PRKCA: variants seen among roughly 807,000 people sequenced by gnomAD.
The protein encoded by PRKCA is protein kinase C alpha.
A neutral mutation model predicts 87.0 loss-of-function variants in PRKCA; 27 were observed. The ratio of observed to expected loss-of-function variants is 0.31; its 90% CI spans 0.23 to 0.43. The LOEUF (loss-of-function observed/expected upper bound fraction) is 0.43. PRKCA is among the 20% of genes least tolerant of loss of function. The pLI is 1.00. For synonymous variants in PRKCA, 329 were observed against 311.1 expected (o/e 1.06, Z -0.61); for missense variants, 518 against 852.3 (o/e 0.61, Z 4.88).
intron 3 of PRKCA, among the ~76,000 whole-genome samples, chr17:66,569,016 A>G (rs1968983692): frequency 1.3e-5 from 2 of 152,194 alleles, no homozygotes; most frequent in South Asian, 2.1e-4. Context: ...ACCACAAGTA[A>G]CACCCTACAC....
intron 2 of PRKCA, among the ~76,000 whole-genome samples, chr17:66,363,579 G>A (rs1231330462): frequency 6.6e-6 from 1 of 152,236 alleles, no homozygotes; most frequent in African/African-American, 2.4e-5. Flanking sequence ...TTAAGAAAGA[G>A]CGCTATTCCA....
intron 2 of PRKCA, among the ~76,000 whole-genome samples, chr17:66,388,485 G>A (rs916459407): frequency 1.3e-5 from 2 of 151,988 alleles, no homozygotes; most frequent in African/African-American, 4.8e-5. Flanking sequence ...GTAGAGACGG[G>A]ATTTCACCAT....
chr17:66,641,125 T>C (rs1466730084), intron 3 of PRKCA, among the ~76,000 whole-genome samples: 1 of 145,754 alleles, frequency 6.9e-6, no homozygotes, highest in Non-Finnish European at 1.6e-5. Flanking sequence ...GCCACTGCAC[T>C]CCAGCCTGGG....
chr17:66,674,873 T>C (rs757667813), intron 5 of PRKCA, among the ~76,000 whole-genome samples: 80 of 152,218 alleles, frequency 5.3e-4, no homozygotes, highest in Non-Finnish European at 9.4e-4. Flanking sequence ...TCTTCATTGT[T>C]CATGCTTGAG....
intron 13 of PRKCA, among the ~76,000 whole-genome samples, chr17:66,771,928 T>G (rs562566776): frequency 6.6e-6 from 1 of 152,324 alleles, no homozygotes; most frequent in African/African-American, 2.4e-5. Context: ...ATTTTCTTCC[T>G]AATTGTTCTT....
intron 2 of PRKCA, among the ~76,000 whole-genome samples, chr17:66,441,550 T>C (rs903836595): frequency 1.3e-5 from 2 of 152,168 alleles, no homozygotes; most frequent in Non-Finnish European, 2.9e-5. Flanking sequence ...TTTGTACATC[T>C]TCATACGACT....
At position 66,688,447 on chromosome 17, in the gene PRKCA, CGCTT is replaced by C; in HGVS notation, c.821+12_821+15del. 1 of 1,613,788 alleles carries C rather than the reference CGCTT, an allele frequency of 6.2e-7. No individual in the cohort carries two copies. The highest frequency in any genetic ancestry group is 1.1e-5 in the South Asian group (1 of 91,036). On this transcript the variant is annotated intron_variant, in intron 7 of 16. Coordinates refer to ENST00000413366, the MANE Select transcript of PRKCA (RefSeq NM_002737.3). The stretch of plus-strand genomic sequence containing the variant: ...GCCGGCCAGTGGATGGTATGGAAGC[CGCTT>C]AGGTTGAGTATGTCTCAAAGCATCA...
At chr17:66,671,905 A>C (rs759766499) in intron 5 of PRKCA, among the ~76,000 whole-genome samples, 1 of 152,246 alleles carries the variant, frequency 6.6e-6, no homozygotes, top group Non-Finnish European at 1.5e-5. Context: ...GACCAATGGG[A>C]AAGATAGGGC....
chr17:66,559,506 A>AAT (rs1567897894), intron 3 of PRKCA, among the ~76,000 whole-genome samples: 1 of 146,398 alleles, frequency 6.8e-6, no homozygotes, highest in East Asian at 2.0e-4. Flanking sequence ...AAAAAAAAAA[A>AAT]GCTCTCCAGT....
intron 8 of PRKCA, among the ~76,000 whole-genome samples, chr17:66,723,155 C>T (rs568540737): frequency 2.4e-5 from 2 of 83,826 alleles, no homozygotes; most frequent in South Asian, 7.9e-4. Context: ...TCACACATCT[C>T]TGCAGGTCAC....
chr17:66,659,974 TG>T (rs1971847978), intron 5 of PRKCA, among the ~76,000 whole-genome samples: 1 of 152,184 alleles, frequency 6.6e-6, no homozygotes, highest in African/African-American at 2.4e-5. Flanking sequence ...ATTCAGTACC[TG>T]GGGGCCACAT....
At chr17:66,642,809 G>A (rs369330328) in intron 4 of PRKCA, among the ~76,000 whole-genome samples, 1 of 152,112 alleles carries the variant, frequency 6.6e-6, no homozygotes, top group Admixed American at 6.5e-5. Context: ...TTGGGAGGCC[G>A]AGGCGGGAGG....
chr17:66,455,057 T>C (rs945687824), intron 2 of PRKCA, among the ~76,000 whole-genome samples: 3 of 152,158 alleles, frequency 2.0e-5, no homozygotes, highest in Non-Finnish European at 4.4e-5. Flanking sequence ...TGGAGGGAAC[T>C]GTGGTCGACG....
chr17:66,417,637 G>T (rs1021807768), intron 2 of PRKCA, among the ~76,000 whole-genome samples: 1 of 152,132 alleles, frequency 6.6e-6, no homozygotes, highest in African/African-American at 2.4e-5. Context: ...GGTAAGGAGG[G>T]TCCCTCTGCC....
intron 3 of PRKCA, among the ~76,000 whole-genome samples, chr17:66,595,354 AGTACATCAGTC>A (rs1969941262): frequency 6.6e-6 from 1 of 152,002 alleles, no homozygotes; most frequent in Non-Finnish European, 1.5e-5. Context: ...TTCTTTCGCA[AGTACATCAGTC>A]GTTGAATTTA....
intron 3 of PRKCA, among the ~76,000 whole-genome samples, chr17:66,501,907 T>C (rs1234487971): frequency 6.6e-6 from 1 of 152,164 alleles, no homozygotes; most frequent in African/African-American, 2.4e-5. Context: ...TTGGCTGCCA[T>C]TGATTGCCTG....
intron 8 of PRKCA, among the ~76,000 whole-genome samples, chr17:66,707,794 C>T (rs1440276618): frequency 6.6e-6 from 1 of 152,138 alleles, no homozygotes; most frequent in South Asian, 2.1e-4. Context: ...GAAGCTTACA[C>T]CCTGTCTCCT....
intron 2 of PRKCA, among the ~76,000 whole-genome samples, chr17:66,433,772 T>C (rs536960129): frequency 6.9e-4 from 105 of 152,332 alleles, no homozygotes; most frequent in Non-Finnish European, 1.3e-3. Context: ...CTCGAACTCC[T>C]GAGCTCAAAT....
At position 66,336,608 on chromosome 17, in the gene PRKCA, GT is replaced by G. The variant is rs1159636204; in HGVS notation, c.205+30482del. 4.3e-5 allele frequency among the ~76,000 whole-genome samples: 4 copies of G among 93,166 alleles called. No individual in the cohort carries two copies. In the South Asian group the frequency reaches 1.2e-3, roughly 27 times the overall value. The allele number at this position is 93,166 out of a possible 152,430, so 61.1% of individuals were successfully genotyped here. The stretch of plus-strand genomic sequence containing the variant: ...ATTGGCTTAAGTTTTTTTGGTGGTG[GT>G]GGGGGAGTAATTTAAAAGTACCTGT... On this transcript the variant is annotated intron_variant, in intron 2 of 16. Transcript: ENST00000413366.
Sources: allele counts gnomAD v4.1 joint callset (sites outside exome capture counted in the v4.1 genomes callset), GRCh38; gene constraint gnomAD v4.1.1; transcripts MANE v1.5; gene names NCBI Gene and HGNC (gene_info 2026-07-23, HGNC 2026-07-21).